KCNAB1: variants seen among roughly 807,000 people sequenced by gnomAD.
KCNAB1 encodes voltage-gated potassium channel subunit beta-1.
A neutral mutation model predicts 64.6 loss-of-function variants in KCNAB1; 35 were observed. That is an observed-to-expected ratio of 0.54 (90% CI 0.41 to 0.72). The LOEUF (loss-of-function observed/expected upper bound fraction) is 0.72. Ranked by LOEUF, KCNAB1 falls within the 30% of genes least tolerant of loss-of-function variation. KCNAB1 has a pLI of 0.00. For synonymous variants in KCNAB1, 177 were observed against 183.8 expected (o/e 0.96, Z 0.30); for missense variants, 401 against 512.9 (o/e 0.78, Z 2.11).
intron 1 of KCNAB1, among the ~76,000 whole-genome samples, chr3:156,342,585 CTTTTTTTTTT>C (rs60982892): frequency 1.2e-5 from 1 of 86,254 alleles, no homozygotes; most frequent in Non-Finnish European, 2.5e-5. Context: ...CTATGTGTTT[CTTTTTTTTTT>C]TTTTTTTTTT....
intron 1 of KCNAB1, among the ~76,000 whole-genome samples, chr3:156,320,242 T>G (rs73014154): frequency 0.024 from 3,674 of 152,266 alleles, 152 homozygotes; most frequent in African/African-American, 0.083. Context: ...AAAGCTATTT[T>G]CTCTCCTTAA....
In KCNAB1 at chr3:156,417,222, A is replaced by G. The variant is rs142645661; in HGVS notation, c.276-4394A>G. Among the ~76,000 whole-genome samples, 46 of 152,330 alleles carry G rather than the reference A, an allele frequency of 3.0e-4. No individual in the cohort carries two copies. The East Asian group carries it at 8.3e-3, about 27-fold the overall frequency. On this transcript the variant is annotated intron_variant, in intron 1 of 13. Coordinates refer to ENST00000490337, the MANE Select transcript of KCNAB1 (RefSeq NM_172160.3). ...ATTAAATGTGCATTTCTTAAAAAAA[A>G]CAAACAAACCCAAATCTCATATTTG...
At chr3:156,119,417 A>G (rs1030441569), upstream of KCNAB1, among the ~76,000 whole-genome samples, 1 of 152,198 alleles carries the variant, frequency 6.6e-6, no homozygotes, top group East Asian at 1.9e-4. Context: ...CAGACTTTCC[A>G]AAAGAGCTAA....
At chr3:156,227,960 T>G (rs182044987) in intron 1 of KCNAB1, 1 of 152,362 alleles carries the variant, frequency 6.6e-6, no homozygotes, top group East Asian at 1.9e-4. Flanking sequence ...TCTGCACATT[T>G]AGCAGTGGAA....
chr3:156,222,788 C>G (rs967213189), intron 1 of KCNAB1, among the ~76,000 whole-genome samples: 1 of 152,112 alleles, frequency 6.6e-6, no homozygotes, highest in African/African-American at 2.4e-5. Flanking sequence ...CCTTCAAAAC[C>G]ATGCAAATAT....
chr3:156,532,263 G>A (rs1718751034), intron 13 of KCNAB1, among the ~76,000 whole-genome samples: 1 of 152,166 alleles, frequency 6.6e-6, no homozygotes, highest in South Asian at 2.1e-4. Flanking sequence ...CAGTGGGTGG[G>A]TTGAAAGGAT....
chr3:156,229,968 C>G (rs1716421027), intron 1 of KCNAB1, among the ~76,000 whole-genome samples: 1 of 152,074 alleles, frequency 6.6e-6, no homozygotes, highest in South Asian at 2.1e-4. Context: ...CTAACACATA[C>G]TTATTGATTG....
At chr3:156,344,151 A>T (rs1219436454) in intron 1 of KCNAB1, among the ~76,000 whole-genome samples, 1 of 152,108 alleles carries the variant, frequency 6.6e-6, no homozygotes, top group Non-Finnish European at 1.5e-5. Context: ...AGGGAGCTCA[A>T]TATCCTATCA....
At chr3:156,422,440 C>T (rs1000050775) in intron 2 of KCNAB1, among the ~76,000 whole-genome samples, 2 of 152,068 alleles carry the variant, frequency 1.3e-5, no homozygotes, top group Non-Finnish European at 2.9e-5. Flanking sequence ...CAAGGTAAAA[C>T]CTGAAAGATT....
At chr3:156,385,244 G>A (rs1399467109) in intron 1 of KCNAB1, among the ~76,000 whole-genome samples, 1 of 152,132 alleles carries the variant, frequency 6.6e-6, no homozygotes, top group African/African-American at 2.4e-5. Context: ...GATGATAAAA[G>A]TGCTACTTTG....
intron 1 of KCNAB1, among the ~76,000 whole-genome samples, chr3:156,219,770 AG>A (rs1715583141): frequency 6.6e-6 from 1 of 151,768 alleles, no homozygotes; most frequent in African/African-American, 2.4e-5. Context: ...AACAACGTGC[AG>A]GTTTGTTATA....
At chr3:156,123,027 A>G (rs776332130) in intron 1 of KCNAB1, among the ~76,000 whole-genome samples, 14 of 152,162 alleles carry the variant, frequency 9.2e-5, no homozygotes, top group Admixed American at 5.9e-4. Context: ...AAGTCACCCA[A>G]ATTTTTCTTT....
chr3:156,418,135 T>C (rs1337486492), intron 1 of KCNAB1, among the ~76,000 whole-genome samples: 1 of 152,256 alleles, frequency 6.6e-6, no homozygotes, highest in East Asian at 1.9e-4. Context: ...GTTAAACCTG[T>C]GCAGTGAAAC....
At chr3:156,150,206 A>G (rs1401556875) in intron 1 of KCNAB1, among the ~76,000 whole-genome samples, 1 of 152,232 alleles carries the variant, frequency 6.6e-6, no homozygotes, top group Admixed American at 6.5e-5. Flanking sequence ...GTGGAGGCGT[A>G]GTGAAAGGGG....
intron 2 of KCNAB1, among the ~76,000 whole-genome samples, chr3:156,429,199 A>G (rs781542280): frequency 3.9e-5 from 6 of 152,222 alleles, no homozygotes; most frequent in Non-Finnish European, 8.8e-5. Context: ...GTTGGAATAC[A>G]TTGTCTTATC....
At chr3:156,495,332 A>C (rs1715936578) in intron 8 of KCNAB1, among the ~76,000 whole-genome samples, 1 of 152,184 alleles carries the variant, frequency 6.6e-6, no homozygotes, top group Non-Finnish European at 1.5e-5. Flanking sequence ...AATTTCTCAA[A>C]GACACAGAAG....
chr3:156,458,387 A>G (rs1164852044), intron 4 of KCNAB1, among the ~76,000 whole-genome samples: 1 of 152,194 alleles, frequency 6.6e-6, no homozygotes, highest in East Asian at 1.9e-4. Flanking sequence ...AAGGAAACTA[A>G]ATAGCTGCCC....
In KCNAB1 at chr3:156,377,510, G is replaced by A. The variant is rs545644959; in HGVS notation, c.276-44106G>A. ...GGAGATAAGGATACTTCAGAGGAGA[G>A]GGCACTGAGGAAATCCAGGCTGGTG... On this transcript the variant is annotated intron_variant, in intron 1 of 13. Coordinates refer to ENST00000490337, the MANE Select transcript of KCNAB1 (RefSeq NM_172160.3). 2.0e-5 allele frequency among the ~76,000 whole-genome samples: 3 copies of A among 152,280 alleles called. No homozygotes were observed. The East Asian group carries it at 5.8e-4, about 29-fold the overall frequency.
At chr3:156,388,820 C>A (rs746171579) in intron 1 of KCNAB1, among the ~76,000 whole-genome samples, 2 of 152,196 alleles carry the variant, frequency 1.3e-5, no homozygotes, top group Non-Finnish European at 2.9e-5. Flanking sequence ...GAGAAGCCCA[C>A]AACAGTTGAG....
Sources: gnomAD v4.1 joint callset for allele counts (sites outside exome capture counted in the v4.1 genomes callset) on GRCh38, gnomAD v4.1.1 for gene constraint, MANE v1.5 for transcripts, NCBI Gene and HGNC (gene_info 2026-07-23, HGNC 2026-07-21) for gene names.